Variants in ABLIM3 observed in about 807,000 individuals in gnomAD.
ABLIM3 encodes the protein actin-binding LIM protein 3.
ABLIM3 carries 61 observed loss-of-function variants against 109.5 expected under a neutral mutation model. The observed-to-expected ratio is 0.56, with a 90% CI of 0.45 to 0.69. The LOEUF (loss-of-function observed/expected upper bound fraction) is 0.69. Among genes scored for constraint, ABLIM3 ranks in the 30% least tolerant of loss-of-function variants. ABLIM3 has a pLI of 0.00. For synonymous variants in ABLIM3, 300 were observed against 324.8 expected, an observed-to-expected ratio of 0.92 and a Z score of 0.82; for missense variants, 796 against 889.5, an observed-to-expected ratio of 0.89 and a Z score of 1.34.
In ABLIM3 at chr5:149,246,453, C is replaced by T. The variant is rs144717326; in HGVS notation, c.1487-29C>T. 1,414 of 1,612,486 alleles carry T rather than the reference C, an allele frequency of 8.8e-4. 12 individuals carry two copies. The African/African-American group carries it at 0.015, about 18-fold the overall frequency. On this transcript the variant is annotated intron_variant, in intron 16 of 23. Transcript: ENST00000309868. ...GCCAGGCTGAGTGGGGTGCACATGCCGGAGCTGATCTTTTCTGTCTTTTGA... is the reference window on the plus strand; with the variant it reads ...GCCAGGCTGAGTGGGGTGCACATGCTGGAGCTGATCTTTTCTGTCTTTTGA...
At chr5:149,237,865 A>G (rs1214529350) in intron 11 of ABLIM3, among the ~76,000 whole-genome samples, 1 of 152,154 alleles carries the variant, frequency 6.6e-6, no homozygotes. Flanking sequence ...TAGACAGGAC[A>G]TGAGCTTTCC....
chr5:149,242,496 G>A lies in ABLIM3; in HGVS notation c.1309G>A (p.Asp437Asn), dbSNP rs1213746084. 4 of 1,614,096 alleles carry A rather than the reference G, an allele frequency of 2.5e-6. No individual in the cohort carries two copies. The highest frequency in any genetic ancestry group is 1.1e-5 in the South Asian group (1 of 91,076). ...APKHFHIPAG[D>N]SNIYRKPPIY... ...CTTCCTGGTCTGTCTGGCAGCTGGA[G>A]ACAGTAACATCTACCGGAAACCCCC... is the stretch of plus-strand genomic sequence containing the variant. Residue 437 changes from aspartate (D) to asparagine (N), a missense_variant, in exon 15 of 24, where the codon GAC becomes AAC. By Grantham distance (23) the Asp-to-Asn change is conservative (BLOSUM62 1). Coordinates refer to ENST00000309868, the MANE Select transcript of ABLIM3 (RefSeq NM_014945.5).
chr5:149,182,918 T>G (rs1756589434), intron 2 of ABLIM3, among the ~76,000 whole-genome samples: 1 of 152,224 alleles, frequency 6.6e-6, no homozygotes, highest in South Asian at 2.1e-4. Context: ...CTTCCCTTCA[T>G]GCCTTCCTTA....
intron 6 of ABLIM3, 92 bp from the exon 7 acceptor site, chr5:149,210,634 C>A: frequency 1.9e-6 from 2 of 1,074,670 alleles, no homozygotes; most frequent in South Asian, 1.3e-5. Flanking sequence ...TTGGCTCAGT[C>A]AACATAGGCT....
At chr5:149,148,598 G>A (rs1472812630) in intron 2 of ABLIM3, among the ~76,000 whole-genome samples, 2 of 152,012 alleles carry the variant, frequency 1.3e-5, no homozygotes, top group African/African-American at 2.4e-5. Flanking sequence ...CCCCTTCAGC[G>A]ATCGGCCGCA....
At chr5:149,217,423 A>G (rs1220168907) in intron 8 of ABLIM3, 5 of 231,562 alleles carry the variant, frequency 2.2e-5, no homozygotes, top group Non-Finnish European at 4.3e-5. Context: ...ATAGCATCAC[A>G]GCCTCTACTC....
chr5:149,181,790 C>T (rs1380116273), intron 2 of ABLIM3, among the ~76,000 whole-genome samples: 1 of 152,162 alleles, frequency 6.6e-6, no homozygotes, highest in Non-Finnish European at 1.5e-5. Flanking sequence ...AGAGAAATGT[C>T]AGATCCGAGG....
chr5:149,197,458 G>T (rs192131035), intron 3 of ABLIM3, among the ~76,000 whole-genome samples: 2 of 152,064 alleles, frequency 1.3e-5, no homozygotes, highest in African/African-American at 2.4e-5. Flanking sequence ...CATCACCGAT[G>T]ATATGGGACA....
Position 149,259,048 on chromosome 5 carries a change from C to G in ABLIM3, c.*644C>G, listed in dbSNP as rs550470084. The stretch of plus-strand genomic sequence containing the variant: ...TTCTGCCCTGGATTGTAACCTCTCC[C>G]TTGTCCAAATCTAGGATTCCTGGTA... On this transcript the variant is annotated 3_prime_UTR_variant, in exon 24 of 24. Coordinates refer to ENST00000309868, the MANE Select transcript of ABLIM3 (RefSeq NM_014945.5). 21 of 1,009,478 alleles carry G rather than the reference C, an allele frequency of 2.1e-5. No homozygotes were observed. In the African/African-American group the frequency reaches 3.6e-4, roughly 17 times the overall value. The allele number at this position is 1,009,478 out of a possible 1,614,324, so 62.5% of individuals were successfully genotyped here. A position where few individuals can be genotyped will look rare whatever the true frequency, so the allele number is the denominator to read the frequency against.
intron 20 of ABLIM3, 69 bp from the exon 21 acceptor site, chr5:149,251,290 T>C: frequency 6.3e-7 from 1 of 1,577,272 alleles, no homozygotes; most frequent in South Asian, 1.1e-5. Flanking sequence ...TTTCTGGAGG[T>C]GGGTGAGTGC....
At chr5:149,145,764 T>G (rs1410791214) in intron 2 of ABLIM3, among the ~76,000 whole-genome samples, 2 of 151,506 alleles carry the variant, frequency 1.3e-5, no homozygotes, top group African/African-American at 4.8e-5. Flanking sequence ...CATTTTTATT[T>G]TTTCATATTT....
In ABLIM3 at chr5:149,250,472, C is replaced by T. The variant is rs753146706; in HGVS notation, c.1755C>T (p.Ser585=). 4.3e-6 allele frequency: 7 copies of T among 1,614,054 alleles called. No individual in the cohort carries two copies. In the South Asian group the frequency reaches 5.5e-5, roughly 13 times the overall value. The change falls in exon 20 of 24, where the codon TCC becomes TCT. Residue 585 remains serine, a synonymous_variant. Coordinates refer to ENST00000309868, the MANE Select transcript of ABLIM3 (RefSeq NM_014945.5). ...DSDPLISKSA[S]LPAYRRNGLH... ...ATCCTCTCATCTCCAAATCTGCCTC[C>T]CTGCCTGCCTACCGAAGAAATGGGC...
intron 2 of ABLIM3, among the ~76,000 whole-genome samples, chr5:149,171,833 C>T (rs986824757): frequency 6.9e-5 from 10 of 144,938 alleles, no homozygotes; most frequent in African/African-American, 2.6e-4. Flanking sequence ...CTTTGAAGGG[C>T]CTTGTGCCTC....
chr5:149,244,617 G>T (rs1379933844), intron 15 of ABLIM3: 2 of 486,366 alleles, frequency 4.1e-6, no homozygotes, highest in East Asian at 7.3e-5. Context: ...GCTGGGATCT[G>T]GTCCAGTTCT....
rs188443284 is a variant in ABLIM3, at chr5:149,258,814, G to A, written c.*410G>A. The stretch of plus-strand genomic sequence containing the variant: ...TCCACACCTTATTGGCCCCAGAGGG[G>A]CCCTCCCATGGGAAGATCTGCAGCA... On this transcript the variant is annotated 3_prime_UTR_variant, in exon 24 of 24. Coordinates refer to ENST00000309868, the MANE Select transcript of ABLIM3 (RefSeq NM_014945.5). 1.1e-5 allele frequency: 11 copies of A among 990,692 alleles called. No individual in the cohort carries two copies. Among genetic ancestry groups the A allele is most frequent in the Non-Finnish European group, 1.3e-5 (11 of 833,736 alleles). The allele number at this position is 990,692 out of a possible 1,614,324, so 61.4% of individuals were successfully genotyped here.
intron 9 of ABLIM3, among the ~76,000 whole-genome samples, chr5:149,232,942 A>G (rs940240385): frequency 6.6e-6 from 1 of 152,214 alleles, no homozygotes; most frequent in Non-Finnish European, 1.5e-5. Flanking sequence ...GACTGGGATA[A>G]CTCAAAATGA....
At chr5:149,168,377 T>C (rs1329804800) in intron 2 of ABLIM3, among the ~76,000 whole-genome samples, 1 of 152,192 alleles carries the variant, frequency 6.6e-6, no homozygotes, top group African/African-American at 2.4e-5. Flanking sequence ...AGGACTGACT[T>C]TGGTTTGCAC....
At chr5:149,251,239 G>A in intron 20 of ABLIM3, 120 bp from the exon 21 acceptor site, 1 of 1,039,370 alleles carries the variant, frequency 9.6e-7, no homozygotes, top group Non-Finnish European at 1.5e-6. Flanking sequence ...TTGAGACAGA[G>A]GCTGCTGAGA....
chr5:149,246,787 C>A (rs147243242), intron 17 of ABLIM3, among the ~76,000 whole-genome samples: 1 of 152,238 alleles, frequency 6.6e-6, no homozygotes, highest in East Asian at 1.9e-4. Flanking sequence ...TCTGCATTGG[C>A]TTCATGCTCA....
Sources: gnomAD v4.1 joint callset for allele counts (sites outside exome capture counted in the v4.1 genomes callset) on GRCh38, gnomAD v4.1.1 for gene constraint, MANE v1.5 for transcripts, NCBI Gene and HGNC (gene_info 2026-07-23, HGNC 2026-07-21) for gene names.